The following PARP11 variants were observed in gnomAD, a reference collection of about 807,000 sequenced individuals.
PARP11 encodes protein mono-ADP-ribosyltransferase PARP11.
In PARP11, 31 loss-of-function variants were observed where a neutral mutation model predicts 42.9. The ratio of observed to expected loss-of-function variants is 0.72; its 90% CI spans 0.54 to 0.98. The LOEUF (loss-of-function observed/expected upper bound fraction) is 0.98, where lower values mean the gene tolerates loss of function less well. PARP11 is among the 50% of genes least tolerant of loss of function. The pLI is 0.00. For synonymous variants in PARP11, 137 were observed against 127.3 expected, an observed-to-expected ratio of 1.08 and a Z score of -0.51; for missense variants, 365 against 413.1, an observed-to-expected ratio of 0.88 and a Z score of 1.01.
At chr12:3,859,439 T>G (rs1236006574) in intron 1 of PARP11, among the ~76,000 whole-genome samples, 1 of 151,876 alleles carries the variant, frequency 6.6e-6, no homozygotes, top group Non-Finnish European at 1.5e-5. Context: ...GGCACACGCC[T>G]GTAGTCCCAG....
intron 1 of PARP11, among the ~76,000 whole-genome samples, chr12:3,838,769 C>A (rs552770093): frequency 2.6e-5 from 4 of 152,348 alleles, no homozygotes; most frequent in Non-Finnish European, 5.9e-5. Flanking sequence ...CTCCCCGCCC[C>A]TCCGGCGCCC....
Position 3,822,165 on chromosome 12 carries a change from C to T in PARP11, c.345-8G>A. On this transcript the variant is annotated splice_region_variant and splice_polypyrimidine_tract_variant and intron_variant, in intron 4 of 7. Coordinates refer to ENST00000228820, the MANE Select transcript of PARP11 (RefSeq NM_020367.6). Reference sequence around the variant, plus strand: ...TCGTTTTCACAGATGTAACTTGAAACAGCAAAAGAGAAAACAAAATATCAG... The same window carrying T: ...TCGTTTTCACAGATGTAACTTGAAATAGCAAAAGAGAAAACAAAATATCAG... 6.2e-7 allele frequency: 1 copy of T among 1,609,538 alleles called. No individual in the cohort carries two copies. The highest frequency in any genetic ancestry group is 8.5e-7 in the Non-Finnish European group (1 of 1,176,546).
chr12:3,848,871 C>G (rs556087088), intron 1 of PARP11, among the ~76,000 whole-genome samples: 27 of 150,674 alleles, frequency 1.8e-4, no homozygotes, highest in Non-Finnish European at 3.7e-4. Flanking sequence ...AAACAAGTCA[C>G]AGAATGGGAG....
At chr12:3,866,902 T>G (rs1948402478) in intron 1 of PARP11, among the ~76,000 whole-genome samples, 1 of 152,230 alleles carries the variant, frequency 6.6e-6, no homozygotes, top group Non-Finnish European at 1.5e-5. Context: ...AGAAGAGCAA[T>G]TACTGTCATG....
intron 6 of PARP11, among the ~76,000 whole-genome samples, chr12:3,815,696 T>C (rs1316673965): frequency 6.6e-6 from 1 of 152,170 alleles, no homozygotes; most frequent in Non-Finnish European, 1.5e-5. Context: ...CATAATCAAG[T>C]GTGTAGTCGG....
chr12:3,862,427 G>A (rs1948310854), intron 1 of PARP11, among the ~76,000 whole-genome samples: 1 of 151,884 alleles, frequency 6.6e-6, no homozygotes, highest in Non-Finnish European at 1.5e-5. Flanking sequence ...CTACAGCCTA[G>A]GCAACCAAGC....
chr12:3,821,844 G>A (rs1239182088), intron 6 of PARP11, 29 bp downstream of exon 6: 2 of 1,588,538 alleles, frequency 1.3e-6, no homozygotes, highest in East Asian at 2.2e-5. Context: ...TAGTGGAAAG[G>A]AGAAGTTTCA....
chr12:3,824,012 TTC>T (rs200603171), intron 4 of PARP11, among the ~76,000 whole-genome samples: 3 of 152,186 alleles, frequency 2.0e-5, no homozygotes, highest in East Asian at 3.8e-4. Context: ...GAAACAGAAT[TTC>T]TGAGTCAAAG....
chr12:3,854,310 G>A (rs4044431), intron 1 of PARP11, among the ~76,000 whole-genome samples: 74,176 of 151,904 alleles, frequency 0.49, 21,259 homozygotes, highest in African/African-American at 0.78. Flanking sequence ...GGAGATAGAG[G>A]CACAAAAAAC....
At chr12:3,834,302 T>C (rs1947710472) in intron 1 of PARP11, among the ~76,000 whole-genome samples, 1 of 152,214 alleles carries the variant, frequency 6.6e-6, no homozygotes, top group Admixed American at 6.5e-5. Flanking sequence ...TGACTTTATT[T>C]GGAACAGAGA....
At chr12:3,843,259 C>T (rs1223053740) in intron 1 of PARP11, among the ~76,000 whole-genome samples, 3 of 152,166 alleles carry the variant, frequency 2.0e-5, no homozygotes, top group African/African-American at 7.2e-5. Context: ...ACCAAGAATT[C>T]TTAGCACTGG....
intron 1 of PARP11, among the ~76,000 whole-genome samples, chr12:3,865,982 G>A (rs1591542272): frequency 7.0e-6 from 1 of 142,908 alleles, no homozygotes; most frequent in African/African-American, 2.6e-5. Context: ...TGTCTCCTTT[G>A]GTGGCTTATT....
intron 1 of PARP11, among the ~76,000 whole-genome samples, chr12:3,855,001 C>A (rs1218954966): frequency 6.6e-6 from 1 of 152,138 alleles, no homozygotes; most frequent in Non-Finnish European, 1.5e-5. Flanking sequence ...TAAACGTAAT[C>A]CATCACATAA....
intron 1 of PARP11, 71 bp from the exon 2 acceptor site, chr12:3,830,089 T>C: frequency 7.1e-7 from 1 of 1,406,108 alleles, no homozygotes; most frequent in Non-Finnish European, 9.9e-7. Context: ...ACAGATCATT[T>C]TACTTCTTTA....
Position 3,829,003 on chromosome 12 carries a change from T to C in PARP11, c.175A>G (p.Ser59Gly). 1 of 1,614,110 alleles carries C rather than the reference T, an allele frequency of 6.2e-7. No individual in the cohort carries two copies. Residue 59 changes from serine (S) to glycine (G), a missense_variant, in exon 3 of 8, where the codon AGC (serine) becomes GGC (glycine). Physicochemically the swap from Ser to Gly is moderately conservative, Grantham distance 56. Coordinates refer to ENST00000228820, the MANE Select transcript of PARP11 (RefSeq NM_020367.6). Reference sequence around the variant, plus strand: ...AAGCTTTTTTCGATATCTTCACTGCTAACTGAACACTGACTGTTGGTATCC... The same window carrying C: ...AAGCTTTTTTCGATATCTTCACTGCCAACTGAACACTGACTGTTGGTATCC... Reference protein sequence around the residue: ...QPDTNSQCSVSSEDIEKSFKT... With the variant: ...QPDTNSQCSVGSEDIEKSFKT...
intron 4 of PARP11, among the ~76,000 whole-genome samples, chr12:3,822,467 C>G (rs1386915032): frequency 2.1e-5 from 3 of 144,764 alleles, no homozygotes; most frequent in Admixed American, 1.4e-4. Flanking sequence ...GGCGTGGGGG[C>G]GGGCGCCTGT....
intron 1 of PARP11, chr12:3,864,034 T>C (rs1342442104): frequency 2.0e-5 from 3 of 152,234 alleles, no homozygotes; most frequent in African/African-American, 4.8e-5. Context: ...AGCTTAAGAA[T>C]GGGCAAGGTT....
At chr12:3,842,313 T>C (rs1947906000) in intron 1 of PARP11, 10 of 1,605,342 alleles carry the variant, frequency 6.2e-6, no homozygotes, top group Admixed American at 1.7e-5. Flanking sequence ...ATCAAACTTA[T>C]GGGAGCAGGA....
rs992720233 is a variant in PARP11 at position 3,822,749 on chromosome 12, C to A, written c.345-592G>T. On this transcript the variant is annotated intron_variant, in intron 4 of 7. Transcript: ENST00000228820. The stretch of plus-strand genomic sequence containing the variant: ...TCTGTCTTGTTTTTTTTGAAATTTC[C>A]AAAATTTCTTTAAAATGTAAAGAAG... Among the ~76,000 whole-genome samples, 3 of 151,444 alleles carry A rather than the reference C, an allele frequency of 2.0e-5. No homozygotes were observed. In the East Asian group the frequency reaches 5.8e-4, roughly 29 times the overall value.
Sources: gnomAD v4.1 joint callset for allele counts (sites outside exome capture counted in the v4.1 genomes callset) on GRCh38, gnomAD v4.1.1 for gene constraint, MANE v1.5 for transcripts, NCBI Gene and HGNC (gene_info 2026-07-23, HGNC 2026-07-21) for gene names.